PDS5B: variants seen among roughly 807,000 people sequenced by gnomAD.
The protein encoded by PDS5B is PDS5 cohesin associated factor B.
Under a neutral mutation model 184.1 loss-of-function variants are expected in PDS5B, and 51 were observed. The observed-to-expected ratio is 0.28, with a 90% confidence interval of 0.22 to 0.35. PDS5B has a LOEUF of 0.35. Among genes scored for constraint, PDS5B ranks in the 10% least tolerant of loss-of-function variants. The probability of loss-of-function intolerance (pLI) is 1.00; values close to 1 mark genes in which losing one functional copy is unlikely to be tolerated. For missense variants in PDS5B, 1,180 were observed against 1,723.3 expected, an observed-to-expected ratio of 0.68 and a Z score of 5.58; for synonymous variants, 566 against 569.2, an observed-to-expected ratio of 0.99 and a Z score of 0.08.
intron 1 of PDS5B, among the ~76,000 whole-genome samples, chr13:32,607,187 G>T (rs2058073070): frequency 6.6e-6 from 1 of 152,182 alleles, no homozygotes; most frequent in Admixed American, 6.5e-5. Context: ...CCCCATCTTT[G>T]TGGTTTTATC....
chr13:32,598,925 G>A (rs577081453), intron 1 of PDS5B, among the ~76,000 whole-genome samples: 1 of 151,208 alleles, frequency 6.6e-6, no homozygotes, highest in East Asian at 1.9e-4. Flanking sequence ...CGCCTGCCAC[G>A]GCGCCCAGCT....
intron 25 of PDS5B, among the ~76,000 whole-genome samples, chr13:32,754,351 A>G (rs2141000806): frequency 6.6e-6 from 1 of 152,268 alleles, no homozygotes; most frequent in African/African-American, 2.4e-5. Context: ...GTTTGCTCTC[A>G]GCCTGAGTTT....
chr13:32,626,862 TAAA>T (rs1476092342), intron 1 of PDS5B, among the ~76,000 whole-genome samples: 4 of 152,204 alleles, frequency 2.6e-5, no homozygotes, highest in African/African-American at 4.8e-5. Flanking sequence ...TTCAATCAAA[TAAA>T]AACATTCCCT....
At chr13:32,655,374 A>ATATATATATATATATATATATT in intron 3 of PDS5B, among the ~76,000 whole-genome samples, 3 of 72,456 alleles carry the variant, frequency 4.1e-5, no homozygotes, top group African/African-American at 2.5e-4. Flanking sequence ...ATATATATAT[A>ATATATATATATATATATATATT]TTTTTTTTTT....
At chr13:32,600,251 CTT>C (rs933381289) in intron 1 of PDS5B, among the ~76,000 whole-genome samples, 1 of 152,058 alleles carries the variant, frequency 6.6e-6, no homozygotes, top group Non-Finnish European at 1.5e-5. Context: ...ACTTTTGACT[CTT>C]TTTTCCCCCT....
At chr13:32,729,294 G>C (rs1032239640) in intron 19 of PDS5B, among the ~76,000 whole-genome samples, 5 of 152,152 alleles carry the variant, frequency 3.3e-5, no homozygotes, top group African/African-American at 7.2e-5. Context: ...TTTTATGGTT[G>C]CATAGTATTC....
intron 19 of PDS5B, among the ~76,000 whole-genome samples, chr13:32,729,342 A>G (rs566425761): frequency 1.7e-4 from 26 of 152,262 alleles, no homozygotes; most frequent in African/African-American, 5.5e-4. Context: ...TATCCAGTCT[A>G]TCAGTGATGG....
At chr13:32,744,762 G>A (rs1208329194) in intron 23 of PDS5B, among the ~76,000 whole-genome samples, 1 of 152,140 alleles carries the variant, frequency 6.6e-6, no homozygotes, top group Non-Finnish European at 1.5e-5. Flanking sequence ...TTGAGACGAA[G>A]TCCTACAACT....
intron 7 of PDS5B, among the ~76,000 whole-genome samples, chr13:32,670,229 T>A (rs1457861890): frequency 2.0e-5 from 3 of 152,106 alleles, no homozygotes; most frequent in Non-Finnish European, 2.9e-5. Context: ...GTTGTTGTTG[T>A]TGTTTGAGAC....
intron 31 of PDS5B, among the ~76,000 whole-genome samples, chr13:32,768,747 T>TGAC (rs1593654019): frequency 1.4e-5 from 2 of 140,336 alleles, no homozygotes; most frequent in African/African-American, 5.4e-5. Context: ...GAGCCAAGAT[T>TGAC]GACCCACTGC....
chr13:32,628,049 T>G (rs896162327), intron 1 of PDS5B, among the ~76,000 whole-genome samples: 14 of 152,238 alleles, frequency 9.2e-5, no homozygotes, highest in African/African-American at 3.1e-4. Flanking sequence ...AAGTTCAGTT[T>G]TAAGGGAAAA....
chr13:32,735,020 A>G (rs1267768620), intron 20 of PDS5B, 152 bp from the exon 21 acceptor site: 1 of 472,848 alleles, frequency 2.1e-6, no homozygotes, highest in Non-Finnish European at 3.6e-6. Context: ...TACTACTTAT[A>G]CTATGTATAT....
At chr13:32,640,513 C>T (rs966363067) in intron 1 of PDS5B, among the ~76,000 whole-genome samples, 6 of 147,250 alleles carry the variant, frequency 4.1e-5, no homozygotes, top group Non-Finnish European at 6.0e-5. Flanking sequence ...TCCCAAAGTG[C>T]TGAGATTACA....
At chr13:32,649,472 A>G (rs1449773300) in intron 2 of PDS5B, 1 of 152,168 alleles carries the variant, frequency 6.6e-6, no homozygotes, top group East Asian at 1.9e-4. Context: ...GTGTTCAAGG[A>G]GAATGTTAAG....
intron 19 of PDS5B, among the ~76,000 whole-genome samples, chr13:32,710,391 T>C (rs558570196): frequency 6.6e-6 from 1 of 152,268 alleles, no homozygotes; most frequent in Non-Finnish European, 1.5e-5. Context: ...GAATTTAAGG[T>C]ATGATGGGAA....
chr13:32,704,700 G>C (rs1302745676), intron 17 of PDS5B, among the ~76,000 whole-genome samples: 1 of 152,158 alleles, frequency 6.6e-6, no homozygotes, highest in African/African-American at 2.4e-5. Flanking sequence ...ATTAGAGGAA[G>C]TTCTTTCATC....
At chr13:32,679,037 C>G (rs775470788) in intron 10 of PDS5B, 108 bp downstream of exon 10, 12 of 555,538 alleles carry the variant, frequency 2.2e-5, no homozygotes, top group Non-Finnish European at 3.8e-5. Context: ...TAGGTGAAGT[C>G]TTGTTTTAGT....
intron 33 of PDS5B, among the ~76,000 whole-genome samples, chr13:32,772,738 A>G (rs972771361): frequency 2.6e-5 from 4 of 152,172 alleles, no homozygotes; most frequent in African/African-American, 9.6e-5. Context: ...ATAACTTTGT[A>G]AAGAGAAGAG....
intron 26 of PDS5B, among the ~76,000 whole-genome samples, chr13:32,756,509 A>G (rs563227679): frequency 1.3e-5 from 2 of 152,230 alleles, no homozygotes; most frequent in Non-Finnish European, 1.5e-5. Context: ...AACACTGTAC[A>G]TGCCTGGGTG....
Sources: gnomAD v4.1 joint callset for allele counts (sites outside exome capture counted in the v4.1 genomes callset) on GRCh38, gnomAD v4.1.1 for gene constraint, MANE v1.5 for transcripts, NCBI Gene and HGNC (gene_info 2026-07-23, HGNC 2026-07-21) for gene names.